Variants in STX8 observed in about 807,000 individuals in gnomAD.
STX8 encodes syntaxin 8.
In STX8, 23 loss-of-function variants were observed where a neutral mutation model predicts 37.5. That is an observed-to-expected ratio of 0.61 (90% confidence interval 0.44 to 0.87). The LOEUF is 0.87. Ranked by LOEUF, STX8 falls within the 40% of genes least tolerant of loss-of-function variation. The probability of loss-of-function intolerance (pLI) is 0.00; values close to 1 mark genes in which losing one functional copy is unlikely to be tolerated. For missense variants in STX8, 313 were observed against 284.7 expected, an observed-to-expected ratio of 1.10 and a Z score of -0.71; for synonymous variants, 115 against 99.1, an observed-to-expected ratio of 1.16 and a Z score of -0.95.
chr17:9,419,675 A>T (rs2142348421), intron 6 of STX8, among the ~76,000 whole-genome samples: 1 of 152,294 alleles, frequency 6.6e-6, no homozygotes, highest in East Asian at 1.9e-4. Context: ...ATGAACGGTC[A>T]CGGCCTCAGG....
chr17:9,255,051 T>G lies in STX8; in HGVS notation c.644-4406A>C, dbSNP rs985005327. 1.6e-4 allele frequency among the ~76,000 whole-genome samples: 25 copies of G among 152,162 alleles called. 1 individual carries two copies. The highest frequency in any genetic ancestry group is 4.1e-4 in the African/African-American group (17 of 41,430). ...ATACTACAGAGACAAGATAGAAGAA[T>G]GCTCTTCCACAGAAGAGCTGCAGAG... On this transcript the variant is annotated intron_variant, in intron 7 of 7. Coordinates refer to ENST00000306357, the MANE Select transcript of STX8 (RefSeq NM_004853.3).
intron 6 of STX8, among the ~76,000 whole-genome samples, chr17:9,450,341 G>T (rs1287505275): frequency 6.6e-6 from 1 of 151,880 alleles, no homozygotes; most frequent in East Asian, 1.9e-4. Flanking sequence ...CTCCCAAAGT[G>T]CTGGGATTAC....
At chr17:9,437,637 G>A (rs760557738) in intron 6 of STX8, among the ~76,000 whole-genome samples, 5 of 152,128 alleles carry the variant, frequency 3.3e-5, no homozygotes, top group African/African-American at 1.2e-4. Context: ...TGGTACAAAC[G>A]TAAACCAGCA....
intron 7 of STX8, among the ~76,000 whole-genome samples, chr17:9,256,331 G>A (rs1047503520): frequency 6.6e-6 from 1 of 152,222 alleles, no homozygotes; most frequent in Non-Finnish European, 1.5e-5. Flanking sequence ...GAGAGGCTCA[G>A]ACTCACTGGG....
At chr17:9,271,578 C>T (rs1907463787) in intron 7 of STX8, among the ~76,000 whole-genome samples, 1 of 152,042 alleles carries the variant, frequency 6.6e-6, no homozygotes, top group Admixed American at 6.6e-5. Context: ...GGTGAAACCC[C>T]ATCTGTACTA....
At chr17:9,387,791 T>C (rs1912070145) in intron 6 of STX8, among the ~76,000 whole-genome samples, 1 of 152,196 alleles carries the variant, frequency 6.6e-6, no homozygotes, top group Non-Finnish European at 1.5e-5. Flanking sequence ...CCTCTGTTAC[T>C]ATAAGAAAAT....
Position 9,327,554 on chromosome 17 carries a change from C to G in STX8, c.643+50998G>C, listed in dbSNP as rs902680191. On this transcript the variant is annotated intron_variant, in intron 7 of 7. Coordinates refer to ENST00000306357, the MANE Select transcript of STX8 (RefSeq NM_004853.3). ...GACAGAGAGGGGAAGCACAGTAAGG[C>G]CCGTCTGTTTGGATTCTTCCTGGTC... Among the ~76,000 whole-genome samples the G allele has an allele frequency of 3.9e-5, 6 of 152,108 alleles. No homozygotes were observed. In the South Asian group the frequency reaches 1.2e-3, roughly 32 times the overall value.
At chr17:9,280,747 A>T (rs1022047280) in intron 7 of STX8, among the ~76,000 whole-genome samples, 1 of 152,212 alleles carries the variant, frequency 6.6e-6, no homozygotes, top group Admixed American at 6.5e-5. Flanking sequence ...CTCCATGTTA[A>T]TATAAACATT....
chr17:9,431,028 GT>G (rs1340551378), intron 6 of STX8, among the ~76,000 whole-genome samples: 2 of 124,400 alleles, frequency 1.6e-5, no homozygotes, highest in African/African-American at 6.6e-5. Flanking sequence ...TGTTGTTTTG[GT>G]TTTTTTTTAG....
At chr17:9,371,822 T>C (rs141517817) in intron 7 of STX8, among the ~76,000 whole-genome samples, 289 of 152,296 alleles carry the variant, frequency 1.9e-3, no homozygotes, top group African/African-American at 5.7e-3. Flanking sequence ...TTCAAGCTTG[T>C]CATTTTTAAA....
chr17:9,448,379 TCTCGTTTCAGCTC>T (rs1904927096), intron 6 of STX8, among the ~76,000 whole-genome samples: 1 of 152,140 alleles, frequency 6.6e-6, no homozygotes, highest in Non-Finnish European at 1.5e-5. Flanking sequence ...CGCCCTGCCT[TCTCGTTTCAGCTC>T]CACATACTGC....
At chr17:9,314,522 C>T (rs1043018812) in intron 7 of STX8, among the ~76,000 whole-genome samples, 26 of 151,686 alleles carry the variant, frequency 1.7e-4, no homozygotes, top group African/African-American at 3.9e-4. Flanking sequence ...CTCAGCCTCC[C>T]GAGTAACTGG....
At chr17:9,266,081 G>T (rs1024482065) in intron 7 of STX8, among the ~76,000 whole-genome samples, 1 of 152,120 alleles carries the variant, frequency 6.6e-6, no homozygotes, top group African/African-American at 2.4e-5. Flanking sequence ...CTTCCTACAC[G>T]CCATCAGGAA....
chr17:9,355,474 A>G (rs898550633), intron 7 of STX8, among the ~76,000 whole-genome samples: 1 of 148,992 alleles, frequency 6.7e-6, no homozygotes, highest in Non-Finnish European at 1.5e-5. Context: ...AGCTGGGACT[A>G]CAGGCATGCA....
At chr17:9,286,086 T>C (rs1402231464) in intron 7 of STX8, among the ~76,000 whole-genome samples, 3 of 152,134 alleles carry the variant, frequency 2.0e-5, no homozygotes, top group African/African-American at 4.8e-5. Context: ...AAAACTCAAC[T>C]TGAATGCTTC....
chr17:9,407,388 A>G (rs1912838235), intron 6 of STX8, among the ~76,000 whole-genome samples: 1 of 151,938 alleles, frequency 6.6e-6, no homozygotes, highest in Non-Finnish European at 1.5e-5. Flanking sequence ...ATAGACAAAA[A>G]GAAGGAGAGC....
At chr17:9,334,191 A>G (rs7220019) in intron 7 of STX8, among the ~76,000 whole-genome samples, 143,523 of 149,384 alleles carry the variant, frequency 0.96, 69,235 homozygotes, top group East Asian at 1. Context: ...CTGGTTTCTC[A>G]ATCTGGGTGG....
intron 7 of STX8, among the ~76,000 whole-genome samples, chr17:9,313,116 G>A (rs1909250198): frequency 6.6e-6 from 1 of 152,068 alleles, no homozygotes. Flanking sequence ...ACTTCAATCT[G>A]GGAGGCGGAG....
chr17:9,385,866 G>A (rs112903824), intron 6 of STX8, among the ~76,000 whole-genome samples: 18 of 152,092 alleles, frequency 1.2e-4, no homozygotes, highest in African/African-American at 4.1e-4. Context: ...CTCCGCTTCC[G>A]AGTTCAAGCA....
Sources: gnomAD v4.1 joint callset for allele counts (sites outside exome capture counted in the v4.1 genomes callset) on GRCh38, gnomAD v4.1.1 for gene constraint, MANE v1.5 for transcripts, NCBI Gene and HGNC (gene_info 2026-07-23, HGNC 2026-07-21) for gene names.